CNOT2: variants seen among roughly 807,000 people sequenced by gnomAD.
CNOT2 encodes CC chemokine receptor 4-negative regulator of transcription 2.
CNOT2 carries 7 observed loss-of-function variants against 72.1 expected under a neutral mutation model. That is an observed-to-expected ratio of 0.10 (90% CI 0.06 to 0.18). The LOEUF is 0.18. Among genes scored for constraint, CNOT2 ranks in the 10% least tolerant of loss-of-function variants. The pLI is 1.00. For synonymous variants in CNOT2, 196 were observed against 225.6 expected, an observed-to-expected ratio of 0.87 and a Z score of 1.17; for missense variants, 345 against 660.3, an observed-to-expected ratio of 0.52 and a Z score of 5.23.
intron 2 of CNOT2, among the ~76,000 whole-genome samples, chr12:70,286,781 A>C (rs1312089627): frequency 7.0e-6 from 1 of 143,444 alleles, no homozygotes; most frequent in Non-Finnish European, 1.5e-5. Flanking sequence ...TTGAGTTTGT[A>C]AGTGGAATTG....
At chr12:70,295,165 T>G (rs1231361129) in intron 2 of CNOT2, among the ~76,000 whole-genome samples, 1 of 152,176 alleles carries the variant, frequency 6.6e-6, no homozygotes, top group African/African-American at 2.4e-5. Flanking sequence ...GTTCATTGAT[T>G]TATAGATTTT....
chr12:70,344,934 A>G (rs1881974765), intron 14 of CNOT2: 2 of 152,182 alleles, frequency 1.3e-5, no homozygotes, highest in Admixed American at 6.5e-5. Flanking sequence ...CAGTGTGCAT[A>G]TTTGTTGTAC....
At chr12:70,313,636 G>C (rs1434087740) in intron 3 of CNOT2, among the ~76,000 whole-genome samples, 2 of 151,964 alleles carry the variant, frequency 1.3e-5, no homozygotes, top group Non-Finnish European at 2.9e-5. Flanking sequence ...TAAAGAACCA[G>C]ATAGTAACTA....
At chr12:70,352,284 C>A (rs972921123) in intron 15 of CNOT2, among the ~76,000 whole-genome samples, 2 of 152,028 alleles carry the variant, frequency 1.3e-5, no homozygotes, top group African/African-American at 4.8e-5. Context: ...TTGTAAGCCT[C>A]ATTTTCTTCA....
Position 70,339,074 on chromosome 12 carries a change from G to GTA in CNOT2, c.1178+253_1178+254insAT, listed in dbSNP as rs1247320387. ...TGCATGTGCATGTATATATGTGTGT[G>GTA]TGTATATATATATATATACACACAC... On this transcript the variant is annotated intron_variant, in intron 11 of 15. Transcript: ENST00000229195. Among the ~76,000 whole-genome samples the GTA allele has an allele frequency of 8.9e-4, 115 of 129,226 alleles. 1 individual carries two copies. The South Asian group carries it at 0.02, about 22-fold the overall frequency. 84.8% of individuals were successfully genotyped at this position (129,226 alleles called of 152,430 possible). A position where few individuals can be genotyped will look rare whatever the true frequency, so the allele number is the denominator to read the frequency against.
chr12:70,354,762 T>A lies in CNOT2; in HGVS notation c.*847T>A, dbSNP rs1236707448. 1.3e-5 allele frequency: 2 copies of A among 152,636 alleles called. No homozygotes were observed. The highest frequency in any genetic ancestry group is 2.9e-5 in the Non-Finnish European group (2 of 68,036). 9.5% of individuals were successfully genotyped at this position (152,636 alleles called of 1,614,324 possible). ...ATATGAAAATGGGACATTCTGGAAC[T>A]GCTGGTCAGGGGACTTTGTCGCCCT... On this transcript the variant is annotated 3_prime_UTR_variant, in exon 16 of 16. Transcript: ENST00000229195.
intron 1 of CNOT2, among the ~76,000 whole-genome samples, chr12:70,269,735 C>G (rs1407713562): frequency 6.6e-6 from 1 of 152,124 alleles, no homozygotes; most frequent in East Asian, 1.9e-4. Flanking sequence ...TAAGGAAATA[C>G]TAAATTTCAG....
intron 2 of CNOT2, among the ~76,000 whole-genome samples, chr12:70,308,289 C>T (rs1875794708): frequency 2.0e-5 from 3 of 152,026 alleles, no homozygotes; most frequent in Admixed American, 2.0e-4. Flanking sequence ...TATGAAAAAC[C>T]TGTGTTGTCT....
At chr12:70,306,030 C>T (rs1484447174) in intron 2 of CNOT2, among the ~76,000 whole-genome samples, 2 of 152,042 alleles carry the variant, frequency 1.3e-5, no homozygotes, top group African/African-American at 4.8e-5. Context: ...TGGGAAAATC[C>T]AGCCAACTTA....
intron 2 of CNOT2, among the ~76,000 whole-genome samples, chr12:70,300,877 G>C (rs1407150623): frequency 6.6e-6 from 1 of 152,142 alleles, no homozygotes; most frequent in Non-Finnish European, 1.5e-5. Context: ...CCATTTGTTT[G>C]TATCCTCTTT....
chr12:70,277,908 T>C (rs1229052255), intron 1 of CNOT2, among the ~76,000 whole-genome samples: 3 of 152,184 alleles, frequency 2.0e-5, no homozygotes, highest in African/African-American at 7.2e-5. Context: ...ACAGTCTTAA[T>C]TGAAGAAAGT....
intron 2 of CNOT2, among the ~76,000 whole-genome samples, chr12:70,304,330 G>T (rs1209328554): frequency 6.6e-6 from 1 of 151,568 alleles, no homozygotes; most frequent in African/African-American, 2.4e-5. Flanking sequence ...CATCTTTGTG[G>T]TTTTATCTAC....
chr12:70,255,668 C>T (rs561611984), intron 1 of CNOT2, among the ~76,000 whole-genome samples: 38 of 152,084 alleles, frequency 2.5e-4, no homozygotes, highest in African/African-American at 9.2e-4. Context: ...ATTATTTAAT[C>T]GTGTACTGTA....
chr12:70,288,370 C>T (rs1044966116), intron 2 of CNOT2, among the ~76,000 whole-genome samples: 2 of 152,092 alleles, frequency 1.3e-5, no homozygotes, highest in African/African-American at 4.8e-5. Flanking sequence ...TGGTCTCCAA[C>T]TCCTGACCTC....
chr12:70,293,935 T>TAAA, intron 2 of CNOT2: 2 of 209,906 alleles, frequency 9.5e-6, no homozygotes, highest in South Asian at 6.2e-5. Flanking sequence ...TTTTTTTTTT[T>TAAA]TTTTTAAACT....
At chr12:70,324,688 A>G (rs962669141) in intron 4 of CNOT2, among the ~76,000 whole-genome samples, 2 of 151,868 alleles carry the variant, frequency 1.3e-5, no homozygotes, top group African/African-American at 4.8e-5. Context: ...AGCTGATTCG[A>G]GCACAGCAGC....
intron 2 of CNOT2, among the ~76,000 whole-genome samples, chr12:70,286,743 A>G (rs1870959455): frequency 6.7e-6 from 1 of 148,530 alleles, no homozygotes; most frequent in Admixed American, 7.2e-5. Flanking sequence ...ATTCATGAGA[A>G]TGCTCCCCTC....
chr12:70,248,022 A>G (rs563584448), intron 1 of CNOT2, among the ~76,000 whole-genome samples: 13 of 152,350 alleles, frequency 8.5e-5, no homozygotes, highest in African/African-American at 2.9e-4. Context: ...TGTTAGTAAT[A>G]GAGTGATTAA....
intron 15 of CNOT2, 106 bp downstream of exon 15, chr12:70,346,430 A>T: frequency 1.2e-6 from 1 of 860,498 alleles, no homozygotes; most frequent in Non-Finnish European, 1.8e-6. Context: ...GTAATGTGCC[A>T]CATATTTGCC....
Sources: gnomAD v4.1 joint callset for allele counts (sites outside exome capture counted in the v4.1 genomes callset) on GRCh38, gnomAD v4.1.1 for gene constraint, MANE v1.5 for transcripts, NCBI Gene and HGNC (gene_info 2026-07-23, HGNC 2026-07-21) for gene names.